Variants in CAMTA1 observed in about 807,000 individuals in gnomAD.
The protein encoded by CAMTA1 is calmodulin-binding transcription activator 1.
Under a neutral mutation model 170.9 loss-of-function variants are expected in CAMTA1, and 27 were observed. That is an observed-to-expected ratio of 0.16 (90% CI 0.12 to 0.22). CAMTA1 has a LOEUF of 0.22. CAMTA1 is among the 10% of genes least tolerant of loss of function. The probability of loss-of-function intolerance (pLI) is 1.00; values close to 1 mark genes in which losing one functional copy is unlikely to be tolerated. For synonymous variants in CAMTA1, 833 were observed against 891.5 expected, an observed-to-expected ratio of 0.93 and a Z score of 1.17; for missense variants, 1,619 against 2,217.2, an observed-to-expected ratio of 0.73 and a Z score of 5.42.
intron 7 of CAMTA1, among the ~76,000 whole-genome samples, chr1:7,654,895 C>T (rs1384887837): frequency 2.7e-5 from 4 of 147,820 alleles, no homozygotes; most frequent in Non-Finnish European, 6.0e-5. Flanking sequence ...CACACAAATA[C>T]ATCTATACAC....
intron 6 of CAMTA1, among the ~76,000 whole-genome samples, chr1:7,638,847 G>C (rs1243225862): frequency 3.9e-5 from 6 of 152,160 alleles, no homozygotes; most frequent in Admixed American, 3.3e-4. Flanking sequence ...CTCATCCCAG[G>C]GACACTGCTG....
rs148473915 is a variant in CAMTA1 at position 7,349,931 on chromosome 1, G to A, written c.438+100305G>A. Among the ~76,000 whole-genome samples the A allele has an allele frequency of 1.2e-3, 182 of 152,252 alleles. 1 individual carries two copies. Among genetic ancestry groups the A allele is most frequent in the East Asian group, 7.0e-3 (36 of 5,156 alleles). On this transcript the variant is annotated intron_variant, in intron 5 of 22. Coordinates refer to ENST00000303635, the MANE Select transcript of CAMTA1 (RefSeq NM_015215.4). ...CTGGCTTCACTCCTGTATAAGCCCC[G>A]GTGAGAACAGGAGGGAACTTCTGGC...
intron 12 of CAMTA1, among the ~76,000 whole-genome samples, chr1:7,735,047 A>G (rs939020399): frequency 2.0e-5 from 3 of 152,190 alleles, no homozygotes; most frequent in African/African-American, 4.8e-5. Context: ...TCTTTCCTAT[A>G]GCCCTTATTG....
chr1:7,197,628 CCACACACA>C (rs3222484), intron 4 of CAMTA1, among the ~76,000 whole-genome samples: 1,360 of 109,860 alleles, frequency 0.012, 12 homozygotes, highest in Middle Eastern at 0.021. Flanking sequence ...TTGTCCCCCA[CCACACACA>C]CACACACACA....
intron 3 of CAMTA1, among the ~76,000 whole-genome samples, chr1:7,082,596 C>G (rs1186499041): frequency 6.6e-6 from 1 of 152,162 alleles, no homozygotes; most frequent in Non-Finnish European, 1.5e-5. Context: ...TTGGTGCCTC[C>G]CCCTCCACCT....
intron 5 of CAMTA1, among the ~76,000 whole-genome samples, chr1:7,350,450 A>G (rs1574856004): frequency 1.3e-5 from 2 of 152,034 alleles, no homozygotes; most frequent in East Asian, 3.9e-4. Context: ...TGTTAATCTT[A>G]CCCTCTCTTA....
chr1:7,742,699 C>A (rs962974956), intron 16 of CAMTA1, among the ~76,000 whole-genome samples: 1 of 152,144 alleles, frequency 6.6e-6, no homozygotes, highest in Non-Finnish European at 1.5e-5. Context: ...AGAGTGATAA[C>A]CTTTTAGGCT....
intron 4 of CAMTA1, among the ~76,000 whole-genome samples, chr1:7,130,618 C>T (rs1394322444): frequency 6.6e-6 from 1 of 152,048 alleles, no homozygotes; most frequent in Non-Finnish European, 1.5e-5. Context: ...TCTTGCTAAC[C>T]CTGGGGTGGT....
chr1:7,209,955 T>C (rs1301126257), intron 4 of CAMTA1, among the ~76,000 whole-genome samples: 2 of 152,266 alleles, frequency 1.3e-5, no homozygotes, highest in Non-Finnish European at 2.9e-5. Flanking sequence ...TATGTGTGCA[T>C]GCACATGACT....
intron 3 of CAMTA1, among the ~76,000 whole-genome samples, chr1:6,905,662 C>T (rs1678286483): frequency 6.6e-6 from 1 of 152,194 alleles, no homozygotes; most frequent in Non-Finnish European, 1.5e-5. Flanking sequence ...CAGTTAAACT[C>T]TCCCTCTTCT....
At chr1:7,344,598 A>C (rs2084083654) in intron 5 of CAMTA1, among the ~76,000 whole-genome samples, 1 of 151,754 alleles carries the variant, frequency 6.6e-6, no homozygotes, top group Non-Finnish European at 1.5e-5. Context: ...CCCTCTGCGC[A>C]TGAGGTCAGA....
At chr1:6,895,962 A>G (rs1447116604) in intron 3 of CAMTA1, among the ~76,000 whole-genome samples, 1 of 151,952 alleles carries the variant, frequency 6.6e-6, no homozygotes, top group Non-Finnish European at 1.5e-5. Context: ...TCTCCTTTTC[A>G]GCTATGTTCT....
At chr1:7,219,542 TAAAAAAAAAAAAAAAAAAA>T (rs34288461) in intron 4 of CAMTA1, 1 of 65,264 alleles carries the variant, frequency 1.5e-5, no homozygotes, top group African/African-American at 6.0e-5. Flanking sequence ...AATTTTTTCT[TAAAAAAAAAAAAAAAAAAA>T]AAAAAAAAAA....
intron 4 of CAMTA1, among the ~76,000 whole-genome samples, chr1:7,104,851 G>GA (rs1327259125): frequency 9.0e-4 from 137 of 152,250 alleles, no homozygotes; most frequent in African/African-American, 3.1e-3. Flanking sequence ...GAGACTGCAT[G>GA]GGGGGAATTA....
At chr1:7,028,052 G>A (rs1702252646) in intron 3 of CAMTA1, among the ~76,000 whole-genome samples, 1 of 151,922 alleles carries the variant, frequency 6.6e-6, no homozygotes, top group South Asian at 2.1e-4. Context: ...CTACAGGCAT[G>A]TGCCACCATG....
chr1:6,934,342 AC>A lies in CAMTA1; in HGVS notation c.234+109136del, dbSNP rs1684943980. Among the ~76,000 whole-genome samples, 1 of 151,852 alleles carries A rather than the reference AC, an allele frequency of 6.6e-6. No individual in the cohort carries two copies. Among genetic ancestry groups the A allele is most frequent in the African/African-American group, 2.4e-5 (1 of 41,302 alleles). ...TCAGTCAGGGCATGGCAGAGGAACC[AC>A]CCCTCTTGTAAAAGAGGCACACACA... On this transcript the variant is annotated intron_variant, in intron 3 of 22. Transcript: ENST00000303635. The surrounding 1 kb of genome is among the most constrained non-coding windows in gnomAD (Gnocchi z 4.5).
intron 4 of CAMTA1, among the ~76,000 whole-genome samples, chr1:7,156,472 T>C (rs928913756): frequency 6.6e-6 from 1 of 151,844 alleles, no homozygotes; most frequent in African/African-American, 2.4e-5. Flanking sequence ...ATCAGGGAGG[T>C]GATGTCTGAA....
chr1:6,871,813 CT>C, intron 3 of CAMTA1: 1 of 1,526,710 alleles, frequency 6.6e-7, no homozygotes, highest in South Asian at 1.2e-5. Flanking sequence ...GACCCTTCAC[CT>C]TTGATCCCCT....
In CAMTA1 at chr1:7,664,942, G is replaced by C. The variant is rs2095988690; in HGVS notation, c.2395G>C (p.Asp799His). Residue 799 changes from aspartate to histidine, a missense_variant, in exon 9 of 23, where the codon GAC becomes CAC. Coordinates refer to ENST00000303635, the MANE Select transcript of CAMTA1 (RefSeq NM_015215.4). ...CTATGGGCACCAGCTGGTGTCGGGGGACAGCACGGCGCTCTCACAGTCAGA... is the reference window on the plus strand; with the variant it reads ...CTATGGGCACCAGCTGGTGTCGGGGCACAGCACGGCGCTCTCACAGTCAGA... ...TIYGHQLVSG[D>H]STALSQSEDG... 1 of 1,612,948 alleles carries C rather than the reference G, an allele frequency of 6.2e-7. No individual in the cohort carries two copies.
Sources: allele counts gnomAD v4.1 joint callset (sites outside exome capture counted in the v4.1 genomes callset), GRCh38; gene constraint gnomAD v4.1.1; non-coding constraint Gnocchi (gnomAD v3.1); transcripts MANE v1.5; gene names NCBI Gene and HGNC (gene_info 2026-07-23, HGNC 2026-07-21).